Variants in FN3KRP observed in about 807,000 individuals in gnomAD.
FN3KRP encodes ketosamine-3-kinase.
In FN3KRP, 33 loss-of-function variants were observed where a neutral mutation model predicts 29.8. That is an observed-to-expected ratio of 1.11 (90% confidence interval 0.84 to 1.48). FN3KRP has a LOEUF of 1.48. Among genes scored for constraint, FN3KRP ranks in the 40% most tolerant of loss-of-function variants. FN3KRP has a pLI of 0.00. For synonymous variants in FN3KRP, 157 were observed against 155.2 expected (o/e 1.01, Z -0.09); for missense variants, 430 against 402.6 (o/e 1.07, Z -0.58).
chr17:82,726,151 G>T (rs2046835438), intron 4 of FN3KRP, among the ~76,000 whole-genome samples: 1 of 152,120 alleles, frequency 6.6e-6, no homozygotes, highest in Non-Finnish European at 1.5e-5. Flanking sequence ...CTGCACTCCA[G>T]CCTGGGCAAT....
chr17:82,720,542 C>T (rs376106465), intron 3 of FN3KRP, among the ~76,000 whole-genome samples, 179 bp downstream of exon 3: 4 of 152,318 alleles, frequency 2.6e-5, no homozygotes, highest in Admixed American at 2.0e-4. Flanking sequence ...GACTGTGATG[C>T]GTCTGTTGTG....
At position 82,726,893 on chromosome 17, in the gene FN3KRP, C is replaced by A. The variant is rs765429684; in HGVS notation, c.652C>A (p.Leu218Ile). The A allele has an allele frequency of 6.3e-7, 1 of 1,596,404 alleles. No individual in the cohort carries two copies. The highest frequency in any genetic ancestry group is 8.5e-7 in the Non-Finnish European group (1 of 1,170,162). ...CATCCCAGCCTTACTCCACGGGGACCTCTGGGGTGGAAACGTAGCAGAGGA... is the reference window on the plus strand; with the variant it reads ...CATCCCAGCCTTACTCCACGGGGACATCTGGGGTGGAAACGTAGCAGAGGA... ...EIIPALLHGD[L>I]WGGNVAEDSS... Residue 218 changes from leucine (L) to isoleucine (I), a missense_variant, in exon 6 of 6, where the codon CTC becomes ATC. Coordinates refer to ENST00000269373, the MANE Select transcript of FN3KRP (RefSeq NM_024619.4).
rs1287360541 is a variant in FN3KRP at position 82,716,868 on chromosome 17, T to G, written c.113T>G (p.Val38Gly). 2 of 1,566,498 alleles carry G rather than the reference T, an allele frequency of 1.3e-6. No individual in the cohort carries two copies. Among genetic ancestry groups the G allele is most frequent in the Non-Finnish European group, 1.7e-6 (2 of 1,160,700 alleles). Reference sequence around the variant, plus strand: ...AGCTACGACACGGATCAAGGACGAGTGTTCGTGAAAGTGAACCCCAAGGCG... The same window carrying G: ...AGCTACGACACGGATCAAGGACGAGGGTTCGTGAAAGTGAACCCCAAGGCG... ...GRSYDTDQGR[V>G]FVKVNPKAEA... The change falls in exon 1 of 6, where the codon GTG becomes GGG. Residue 38 changes from valine to glycine, a missense_variant. Physicochemically the swap from Val to Gly is moderately radical, Grantham distance 109 (BLOSUM62 -3). Coordinates refer to ENST00000269373, the MANE Select transcript of FN3KRP (RefSeq NM_024619.4).
chr17:82,725,729 A>G (rs976043024), intron 4 of FN3KRP, among the ~76,000 whole-genome samples: 9 of 152,232 alleles, frequency 5.9e-5, no homozygotes, highest in Non-Finnish European at 1.3e-4. Context: ...TTCTACAGGC[A>G]TATTTACACG....
At chr17:82,724,902 A>G (rs72634341) in intron 4 of FN3KRP, among the ~76,000 whole-genome samples, 41,814 of 150,920 alleles carry the variant, frequency 0.28, 6,040 homozygotes, top group East Asian at 0.46. Flanking sequence ...TCCGCCTCCC[A>G]GGTTCACGCC....
In FN3KRP at chr17:82,726,940, T is replaced by A. The variant is rs149354070; in HGVS notation, c.699T>A (p.Phe233Leu). 1.6e-5 allele frequency: 26 copies of A among 1,613,292 alleles called. No individual in the cohort carries two copies. Among genetic ancestry groups the A allele is most frequent in the Non-Finnish European group, 2.2e-5 (26 of 1,179,618 alleles). The change falls in exon 6 of 6, where the codon TTT becomes TTA. Residue 233 changes from phenylalanine (F) to leucine (L), a missense_variant. Coordinates refer to ENST00000269373, the MANE Select transcript of FN3KRP (RefSeq NM_024619.4). ...VAEDSSGPVIFDPASFYGHSE... is the reference protein window; with the variant it reads ...VAEDSSGPVILDPASFYGHSE... The stretch of plus-strand genomic sequence containing the variant: ...AGGATTCCTCTGGGCCGGTGATTTT[T>A]GACCCAGCTTCTTTCTACGGCCACT...
At chr17:82,719,695 C>T (rs1009123413) in intron 2 of FN3KRP, among the ~76,000 whole-genome samples, 2 of 151,930 alleles carry the variant, frequency 1.3e-5, no homozygotes, top group Admixed American at 1.3e-4. Context: ...GCAGAGGTTG[C>T]AGTGAGCTGA....
In FN3KRP at chr17:82,723,618, C is replaced by A. The variant is rs115125241; in HGVS notation, c.468+732C>A. Among the ~76,000 whole-genome samples the A allele has an allele frequency of 7.5e-3, 1,141 of 151,956 alleles. 14 individuals carry two copies. The highest frequency in any genetic ancestry group is 0.027 in the African/African-American group (1,099 of 41,326). On this transcript the variant is annotated intron_variant, in intron 4 of 5. Transcript: ENST00000269373. Reference sequence around the variant, plus strand: ...GCATGTGTATGTGCACGCATGTGTGCATATGTGTATGTGTGCACACGTGTG... The same window carrying A: ...GCATGTGTATGTGCACGCATGTGTGAATATGTGTATGTGTGCACACGTGTG...
chr17:82,719,105 G>A (rs375634355), intron 2 of FN3KRP, 48 bp downstream of exon 2: 2 of 1,524,138 alleles, frequency 1.3e-6, no homozygotes, highest in African/African-American at 1.4e-5. Context: ...CTGAGCAGGT[G>A]TGTCTTCACA....
At chr17:82,718,275 G>C (rs1435686442) in intron 1 of FN3KRP, among the ~76,000 whole-genome samples, 1 of 152,088 alleles carries the variant, frequency 6.6e-6, no homozygotes, top group Non-Finnish European at 1.5e-5. Flanking sequence ...GGAAAGGAAA[G>C]GCCGCTGGCT....
intron 3 of FN3KRP, among the ~76,000 whole-genome samples, chr17:82,721,692 CAG>C (rs1460069384): frequency 6.6e-6 from 1 of 151,630 alleles, no homozygotes; most frequent in Non-Finnish European, 1.5e-5. Flanking sequence ...TTAGTAGAGA[CAG>C]GGTTTCACCG....
chr17:82,725,752 C>T (rs1451157445), intron 4 of FN3KRP, among the ~76,000 whole-genome samples: 2 of 152,340 alleles, frequency 1.3e-5, no homozygotes, highest in African/African-American at 4.8e-5. Flanking sequence ...TGCAAAATGG[C>T]ACAGACACAA....
intron 2 of FN3KRP, among the ~76,000 whole-genome samples, chr17:82,719,443 A>G (rs768570669): frequency 3.9e-5 from 6 of 152,262 alleles, no homozygotes; most frequent in Non-Finnish European, 8.8e-5. Context: ...AATCTCCCAA[A>G]GTGAGATGCT....
intron 3 of FN3KRP, chr17:82,722,518 T>C (rs2246577): frequency 0.58 from 220,655 of 379,578 alleles, 65,412 homozygotes; most frequent in Admixed American, 0.67. Flanking sequence ...AGGCTGCCTG[T>C]CCTGTGTGTG....
intron 4 of FN3KRP, among the ~76,000 whole-genome samples, chr17:82,723,546 C>T (rs541990383): frequency 8.2e-4 from 125 of 151,632 alleles, no homozygotes; most frequent in Non-Finnish European, 1.2e-3. Flanking sequence ...TGTGCACGCA[C>T]GTCTGTGCGC....
At chr17:82,722,416 A>G (rs1228687341) in intron 3 of FN3KRP, among the ~76,000 whole-genome samples, 1 of 152,144 alleles carries the variant, frequency 6.6e-6, no homozygotes, top group African/African-American at 2.4e-5. Flanking sequence ...CCTCTTTAAG[A>G]ACATCCTCCC....
At chr17:82,718,045 C>T (rs1455269329) in intron 1 of FN3KRP, among the ~76,000 whole-genome samples, 1 of 127,082 alleles carries the variant, frequency 7.9e-6, no homozygotes, top group South Asian at 2.6e-4. Context: ...ACCTGTTCTG[C>T]GGGGATCACT....
chr17:82,720,450 C>T (rs908437193), intron 3 of FN3KRP, 87 bp downstream of exon 3: 55 of 1,082,486 alleles, frequency 5.1e-5, no homozygotes, highest in Admixed American at 8.6e-5. Flanking sequence ...GTGCAGCAGC[C>T]GTGGGAGGGT....
At chr17:82,724,527 C>T (rs2046823423) in intron 4 of FN3KRP, among the ~76,000 whole-genome samples, 2 of 151,918 alleles carry the variant, frequency 1.3e-5, no homozygotes, top group Non-Finnish European at 2.9e-5. Context: ...TCGCTTGAAC[C>T]CGGGAGACAG....
Sources: gnomAD v4.1 joint callset for allele counts (sites outside exome capture counted in the v4.1 genomes callset) on GRCh38, gnomAD v4.1.1 for gene constraint, MANE v1.5 for transcripts, NCBI Gene and HGNC (gene_info 2026-07-23, HGNC 2026-07-21) for gene names.